Variants in CLEC16A observed in about 807,000 individuals in gnomAD.
CLEC16A encodes C-type lectin domain containing 16A.
In CLEC16A, 51 loss-of-function variants were observed where a neutral mutation model predicts 109.5. The observed-to-expected ratio is 0.47, with a 90% CI of 0.37 to 0.59. CLEC16A has a LOEUF of 0.59. CLEC16A is among the 20% of genes least tolerant of loss of function. The probability of loss-of-function intolerance (pLI) is 0.00; values close to 1 mark genes in which losing one functional copy is unlikely to be tolerated. For synonymous variants in CLEC16A, 673 were observed against 564.2 expected (o/e 1.19, Z -2.73); for missense variants, 1,339 against 1,394.0 (o/e 0.96, Z 0.63).
rs575685819 is a variant in CLEC16A, at chr16:11,082,041, A to C, written c.2116+21019A>C. ...AGTGAGAATCCGTCTAAAAAAAAGA[A>C]GAATATTGTCGACTGTGATGGGAAA... On this transcript the variant is annotated intron_variant, in intron 19 of 23. Transcript: ENST00000409790. Among the ~76,000 whole-genome samples the C allele has an allele frequency of 3.6e-4, 55 of 152,310 alleles. No homozygotes were observed. In the South Asian group the frequency reaches 6.6e-3, roughly 18 times the overall value.
chr16:10,949,196 T>G (rs1319465208), intron 1 of CLEC16A, among the ~76,000 whole-genome samples: 1 of 152,198 alleles, frequency 6.6e-6, no homozygotes, highest in East Asian at 1.9e-4. Context: ...CTTTCAAGTT[T>G]TGGCTAAGGT....
At chr16:10,984,349 T>C (rs894556919) in intron 10 of CLEC16A, among the ~76,000 whole-genome samples, 1 of 152,228 alleles carries the variant, frequency 6.6e-6, no homozygotes, top group African/African-American at 2.4e-5. Context: ...AGTGAATTGA[T>C]TGGGGCCTTT....
intron 11 of CLEC16A, among the ~76,000 whole-genome samples, chr16:11,013,965 GA>G (rs1175873865): frequency 6.6e-6 from 1 of 152,040 alleles, no homozygotes; most frequent in Non-Finnish European, 1.5e-5. Flanking sequence ...AGAAGAAGAA[GA>G]AATTTGGATT....
chr16:11,003,054 C>T lies in CLEC16A; in HGVS notation c.1072-20C>T, dbSNP rs550022722. 1.9e-5 allele frequency: 30 copies of T among 1,584,146 alleles called. No homozygotes were observed. In the East Asian group the frequency reaches 5.8e-4, roughly 31 times the overall value. ...TTCTAGTGTTCAAATTCACCTGTTG[C>T]CTTCGTTGGACTTTCCTAGGCCAAG... On this transcript the variant is annotated intron_variant, in intron 10 of 23. Coordinates refer to ENST00000409790, the MANE Select transcript of CLEC16A (RefSeq NM_015226.3).
rs532431930 is a variant in CLEC16A at position 11,098,786 on chromosome 16, AC to A, written c.2117-21828del. On this transcript the variant is annotated intron_variant, in intron 19 of 23. Coordinates refer to ENST00000409790, the MANE Select transcript of CLEC16A (RefSeq NM_015226.3). ...CGCCCAAGTGCTGTGTGTGGGAGTA[AC>A]TTTTCAACTCCTTCGTTCAAGAGCC... Among the ~76,000 whole-genome samples, 184 of 152,204 alleles carry A rather than the reference AC, an allele frequency of 1.2e-3. 1 individual carries two copies. The highest frequency in any genetic ancestry group is 4.1e-3 in the African/African-American group (172 of 41,524).
At chr16:10,996,863 A>G (rs921177932) in intron 10 of CLEC16A, among the ~76,000 whole-genome samples, 3 of 152,312 alleles carry the variant, frequency 2.0e-5, no homozygotes, top group Non-Finnish European at 4.4e-5. Flanking sequence ...TGATCAGTGA[A>G]TCCAGCTCTC....
intron 20 of CLEC16A, among the ~76,000 whole-genome samples, chr16:11,122,343 A>C (rs994480601): frequency 1.3e-5 from 2 of 152,238 alleles, no homozygotes; most frequent in African/African-American, 2.4e-5. Context: ...TTATCCATTA[A>C]GTGACTTATG....
chr16:11,122,003 C>T (rs2153027986), intron 20 of CLEC16A, among the ~76,000 whole-genome samples: 2 of 152,206 alleles, frequency 1.3e-5, no homozygotes, highest in East Asian at 3.9e-4. Context: ...CGCCCCTCTG[C>T]CATACCCCTT....
intron 16 of CLEC16A, chr16:11,044,339 G>T: frequency 3.3e-6 from 1 of 301,210 alleles, no homozygotes; most frequent in Non-Finnish European, 6.1e-6. Flanking sequence ...TGGTTATTTG[G>T]GAATAATTAT....
chr16:11,069,454 A>G (rs76865076), intron 19 of CLEC16A, among the ~76,000 whole-genome samples: 1 of 150,408 alleles, frequency 6.6e-6, no homozygotes, highest in Non-Finnish European at 1.5e-5. Context: ...TTTTTTTTTT[A>G]TACAAGGTCT....
chr16:10,963,188 G>A (rs1294035050), intron 3 of CLEC16A, among the ~76,000 whole-genome samples: 1 of 152,228 alleles, frequency 6.6e-6, no homozygotes, highest in Non-Finnish European at 1.5e-5. Context: ...TGAGTGGAGA[G>A]AAATTGAGAG....
At chr16:11,080,431 G>C (rs1597320070) in intron 19 of CLEC16A, among the ~76,000 whole-genome samples, 1 of 152,316 alleles carries the variant, frequency 6.6e-6, no homozygotes, top group South Asian at 2.1e-4. Flanking sequence ...CAGACAACCT[G>C]GGGAAGGGCC....
chr16:10,984,757 C>T (rs747122996), intron 10 of CLEC16A, among the ~76,000 whole-genome samples: 1 of 152,172 alleles, frequency 6.6e-6, no homozygotes, highest in Non-Finnish European at 1.5e-5. Flanking sequence ...ATGTAAGTCA[C>T]GGAAGGCTGA....
intron 19 of CLEC16A, among the ~76,000 whole-genome samples, chr16:11,085,735 G>A (rs1471727874): frequency 6.6e-6 from 1 of 152,204 alleles, no homozygotes; most frequent in African/African-American, 2.4e-5. Flanking sequence ...GGGACCACAG[G>A]TGTGCGCCAC....
intron 1 of CLEC16A, among the ~76,000 whole-genome samples, chr16:10,946,302 C>T (rs933432546): frequency 3.3e-5 from 5 of 152,128 alleles, no homozygotes; most frequent in East Asian, 1.9e-4. Context: ...CATGTGTCCC[C>T]GGGAGTGGGG....
At chr16:11,086,686 G>A (rs1682112012) in intron 19 of CLEC16A, among the ~76,000 whole-genome samples, 1 of 152,132 alleles carries the variant, frequency 6.6e-6, no homozygotes. Context: ...GGGAATACAG[G>A]CGCCTGCCAC....
At chr16:11,169,943 C>CGGTTG (rs1187442070) in intron 23 of CLEC16A, among the ~76,000 whole-genome samples, 3 of 151,886 alleles carry the variant, frequency 2.0e-5, no homozygotes, top group African/African-American at 7.2e-5. Context: ...AATCCTGCCA[C>CGGTTG]ACTCCGCCTC....
At chr16:11,172,687 G>A (rs917696378) in intron 23 of CLEC16A, among the ~76,000 whole-genome samples, 4 of 152,078 alleles carry the variant, frequency 2.6e-5, no homozygotes, top group East Asian at 1.9e-4. Context: ...TCAGGAGTTC[G>A]AGACCAGCCT....
intron 11 of CLEC16A, among the ~76,000 whole-genome samples, chr16:11,006,654 C>T (rs938442251): frequency 6.6e-6 from 1 of 152,140 alleles, no homozygotes; most frequent in Admixed American, 6.5e-5. Context: ...CATGTGGTCA[C>T]GAGGCACAGT....
Sources: gnomAD v4.1 joint callset for allele counts (sites outside exome capture counted in the v4.1 genomes callset) on GRCh38, gnomAD v4.1.1 for gene constraint, MANE v1.5 for transcripts, NCBI Gene and HGNC (gene_info 2026-07-23, HGNC 2026-07-21) for gene names.